GALNT16: variants seen among roughly 807,000 people sequenced by gnomAD.
The protein encoded by GALNT16 is UDP-GalNAc:polypeptide N-acetylgalactosaminyltransferase-like protein 1.
A neutral mutation model predicts 76.1 loss-of-function variants in GALNT16; 40 were observed. That is an observed-to-expected ratio of 0.53 (90% CI 0.41 to 0.68). GALNT16 has a LOEUF of 0.68. GALNT16 is among the 30% of genes least tolerant of loss of function. The pLI is 0.00. For synonymous variants in GALNT16, 276 were observed against 285.2 expected, an observed-to-expected ratio of 0.97 and a Z score of 0.32; for missense variants, 621 against 731.9, an observed-to-expected ratio of 0.85 and a Z score of 1.75.
chr14:69,297,988 A>G (rs895664048), intron 1 of GALNT16, among the ~76,000 whole-genome samples: 3 of 152,230 alleles, frequency 2.0e-5, no homozygotes, highest in African/African-American at 4.8e-5. Context: ...ACAAAAACTG[A>G]GGCTCAGAGA....
chr14:69,312,754 C>T (rs982163458), intron 1 of GALNT16, among the ~76,000 whole-genome samples: 8 of 152,326 alleles, frequency 5.3e-5, no homozygotes, highest in African/African-American at 1.9e-4. Context: ...ATCTGAGCCA[C>T]GAGCTGATGC....
At chr14:69,266,636 G>GGT (rs1225390023) in intron 1 of GALNT16, among the ~76,000 whole-genome samples, 1 of 152,178 alleles carries the variant, frequency 6.6e-6, no homozygotes, top group Non-Finnish European at 1.5e-5. Context: ...CATCCAACAT[G>GGT]GGAGCAGTCC....
intron 1 of GALNT16, among the ~76,000 whole-genome samples, chr14:69,288,052 A>G (rs2044638125): frequency 6.6e-6 from 1 of 152,182 alleles, no homozygotes; most frequent in African/African-American, 2.4e-5. Flanking sequence ...GTCCAAAGCA[A>G]ACTGACAGTG....
chr14:69,363,248 C>T, the GALNT16 span, among the ~76,000 whole-genome samples: 2 of 152,160 alleles, frequency 1.3e-5, no homozygotes, highest in African/African-American at 4.8e-5. Flanking sequence ...GCTGCCATCA[C>T]CAGGCCTGAG....
intron 14 of GALNT16, 80 bp from the exon 15 acceptor site, chr14:69,351,951 A>T (rs1261327243): frequency 7.4e-7 from 1 of 1,343,826 alleles, no homozygotes; most frequent in African/African-American, 1.4e-5. Flanking sequence ...GTGTGCATAC[A>T]TGTGGAATGA....
At chr14:69,336,969 T>C (rs114960070) in intron 9 of GALNT16, among the ~76,000 whole-genome samples, 5,806 of 152,222 alleles carry the variant, frequency 0.038, 134 homozygotes, top group South Asian at 0.055. Flanking sequence ...TCAGGCAATC[T>C]GCCGCCCTCA....
At chr14:69,341,535 G>A in intron 11 of GALNT16, 146 bp from the exon 12 acceptor site, 1 of 626,826 alleles carries the variant, frequency 1.6e-6, no homozygotes, top group Non-Finnish European at 2.9e-6. Context: ...TCAGATAAGT[G>A]GCCAGGGCTG....
intron 1 of GALNT16, among the ~76,000 whole-genome samples, chr14:69,284,476 T>C (rs1274395197): frequency 2.0e-5 from 3 of 152,198 alleles, no homozygotes; most frequent in Non-Finnish European, 4.4e-5. Flanking sequence ...TACACGTGGC[T>C]GCTCACTCAT....
At chr14:69,324,863 A>G in intron 3 of GALNT16, 73 bp downstream of exon 3, 2 of 970,954 alleles carry the variant, frequency 2.1e-6, no homozygotes, top group Non-Finnish European at 1.5e-6. Flanking sequence ...CGCTGTGGCC[A>G]GACAGCTTGA....
intron 1 of GALNT16, among the ~76,000 whole-genome samples, chr14:69,284,279 G>A (rs1231912737): frequency 2.0e-5 from 3 of 152,162 alleles, no homozygotes; most frequent in African/African-American, 4.8e-5. Context: ...CTCCAGAGGC[G>A]AGTGGGCCCA....
intron 1 of GALNT16, among the ~76,000 whole-genome samples, chr14:69,278,008 C>CTTT (rs535285438): frequency 2.1e-5 from 3 of 140,584 alleles, no homozygotes; most frequent in East Asian, 2.1e-4. Flanking sequence ...GAAATACCAT[C>CTTT]TTTTTTTTTT....
intron 9 of GALNT16, among the ~76,000 whole-genome samples, chr14:69,337,701 G>A (rs2045431445): frequency 6.6e-6 from 1 of 152,160 alleles, no homozygotes. Flanking sequence ...CCAAGTGTCC[G>A]GTCCTGGCCC....
intron 11 of GALNT16, among the ~76,000 whole-genome samples, chr14:69,340,601 C>T (rs1371752203): frequency 6.6e-6 from 1 of 152,002 alleles, no homozygotes; most frequent in Non-Finnish European, 1.5e-5. Context: ...TCTCCTGCCT[C>T]GTCCTCTAGA....
At chr14:69,349,681 CACTT>C (rs1241028302) in intron 14 of GALNT16, 1 of 152,252 alleles carries the variant, frequency 6.6e-6, no homozygotes, top group African/African-American at 2.4e-5. Context: ...TCAGTCTCCT[CACTT>C]ATAAAATAAG....
At chr14:69,369,772 C>T in the GALNT16 span, among the ~76,000 whole-genome samples, 1 of 152,180 alleles carries the variant, frequency 6.6e-6, no homozygotes, top group Non-Finnish European at 1.5e-5. Flanking sequence ...ACAAAATCAG[C>T]TGTCAACTGT....
At chr14:69,330,051 A>G (rs752319307) in intron 6 of GALNT16, among the ~76,000 whole-genome samples, 1 of 152,242 alleles carries the variant, frequency 6.6e-6, no homozygotes, top group Non-Finnish European at 1.5e-5. Flanking sequence ...TTTGAACATA[A>G]GTTAGTTAGC....
At position 69,352,974 on chromosome 14, in the gene GALNT16, T is replaced by A. The variant is rs2045657403; in HGVS notation, c.*806T>A. The stretch of plus-strand genomic sequence containing the variant: ...TCTTTAGGGGAAGATTCGGGCGTAG[T>A]TTATTAAACAGACTCCACTTCTATT... On this transcript the variant is annotated 3_prime_UTR_variant, in exon 15 of 15. Coordinates refer to ENST00000448469, the MANE Select transcript of GALNT16 (RefSeq NM_001168368.2). Among the ~76,000 whole-genome samples, 1 of 152,106 alleles carries A rather than the reference T, an allele frequency of 6.6e-6. No individual in the cohort carries two copies.
At chr14:69,327,177 C>A (rs1013924560) in intron 5 of GALNT16, among the ~76,000 whole-genome samples, 1 of 152,114 alleles carries the variant, frequency 6.6e-6, no homozygotes, top group Non-Finnish European at 1.5e-5. Context: ...GTGCTAAAAC[C>A]CCGTCTCTAC....
chr14:69,333,756 G>A lies in GALNT16; in HGVS notation c.967+156G>A. Reference sequence around the variant, plus strand: ...AAGGACCCTCTGAGGTAAGTACCATGATCTCCATTTTACTGATTTTAAAAC... The same window carrying A: ...AAGGACCCTCTGAGGTAAGTACCATAATCTCCATTTTACTGATTTTAAAAC... On this transcript the variant is annotated intron_variant, in intron 9 of 14. Transcript: ENST00000448469. This position sits in a 1 kb window ranked among gnomAD's most constrained non-coding sequence, Gnocchi z 4.2. 1 of 571,088 alleles carries A rather than the reference G, an allele frequency of 1.8e-6. No homozygotes were observed. Among genetic ancestry groups the A allele is most frequent in the Non-Finnish European group, 3.1e-6 (1 of 326,034 alleles). The allele number at this position is 571,088 out of a possible 1,614,324, so 35.4% of individuals were successfully genotyped here.
Sources: gnomAD v4.1 joint callset for allele counts (sites outside exome capture counted in the v4.1 genomes callset) on GRCh38, gnomAD v4.1.1 for gene constraint, Gnocchi (gnomAD v3.1) non-coding constraint, MANE v1.5 for transcripts, NCBI Gene and HGNC (gene_info 2026-07-23, HGNC 2026-07-21) for gene names.